Variants in WDFY4 observed in about 807,000 individuals in gnomAD.
The protein encoded by WDFY4 is WD repeat- and FYVE domain-containing protein 4.
A neutral mutation model predicts 351.9 loss-of-function variants in WDFY4; 169 were observed. The observed-to-expected ratio is 0.48, with a 90% CI of 0.42 to 0.55. The LOEUF is 0.55. Ranked by LOEUF, WDFY4 falls within the 20% of genes least tolerant of loss-of-function variation. The pLI is 0.00. For missense variants in WDFY4, 3,803 were observed against 3,935.6 expected, an observed-to-expected ratio of 0.97 and a Z score of 0.90; for synonymous variants, 1,622 against 1,574.6, an observed-to-expected ratio of 1.03 and a Z score of -0.71.
chr10:48,979,757 G>T (rs544995526), intron 60 of WDFY4: 13 of 152,338 alleles, frequency 8.5e-5, no homozygotes, highest in African/African-American at 2.9e-4. Flanking sequence ...GTTGTGGTGA[G>T]GTTGCACTCA....
intron 40 of WDFY4, among the ~76,000 whole-genome samples, chr10:48,872,820 G>A (rs1470071708): frequency 6.6e-6 from 1 of 152,186 alleles, no homozygotes; most frequent in East Asian, 1.9e-4. Context: ...TATTAAATGA[G>A]ATTCTTTGCA....
intron 39 of WDFY4, among the ~76,000 whole-genome samples, chr10:48,860,489 A>C (rs1031965314): frequency 6.6e-6 from 1 of 152,248 alleles, no homozygotes; most frequent in Non-Finnish European, 1.5e-5. Flanking sequence ...TTATGAGGAC[A>C]CTAATACCAT....
intron 13 of WDFY4, among the ~76,000 whole-genome samples, chr10:48,766,469 A>G (rs1013991017): frequency 2.6e-5 from 4 of 152,192 alleles, no homozygotes; most frequent in Admixed American, 2.0e-4. Context: ...GTGCACCTGT[A>G]GTCCCAGCTA....
chr10:48,708,652 A>G (rs1206881139), intron 1 of WDFY4, among the ~76,000 whole-genome samples: 1 of 152,162 alleles, frequency 6.6e-6, no homozygotes. Context: ...TTGGGAGGTC[A>G]CTTATTGGTG....
intron 1 of WDFY4, among the ~76,000 whole-genome samples, chr10:48,698,840 CAG>C (rs1254498089): frequency 6.6e-6 from 1 of 152,130 alleles, no homozygotes; most frequent in Non-Finnish European, 1.5e-5. Flanking sequence ...TGTGTGTAGG[CAG>C]AGAGACATTT....
intron 40 of WDFY4, among the ~76,000 whole-genome samples, chr10:48,870,485 C>T (rs528519013): frequency 6.0e-5 from 9 of 150,874 alleles, no homozygotes; most frequent in African/African-American, 2.2e-4. Flanking sequence ...TTACAGGTTA[C>T]AGTGAGCTAT....
chr10:48,732,700 C>G (rs941715502), intron 9 of WDFY4, among the ~76,000 whole-genome samples: 1 of 152,190 alleles, frequency 6.6e-6, no homozygotes. Flanking sequence ...GAGATTTTAA[C>G]GAGGGAATCT....
In WDFY4 at chr10:48,709,725, G is replaced by A. The variant is rs2063721341; in HGVS notation, c.-8G>A. On this transcript the variant is annotated 5_prime_UTR_variant, in exon 2 of 62. Transcript: ENST00000325239. ...TTTGTTCTGAATTCAGATCTGCTTTGCCACGGCATGGAGGCAGAAGATCTT... is the reference window on the plus strand; with the variant it reads ...TTTGTTCTGAATTCAGATCTGCTTTACCACGGCATGGAGGCAGAAGATCTT... 6.4e-7 allele frequency: 1 copy of A among 1,551,838 alleles called. No individual in the cohort carries two copies. Among genetic ancestry groups the A allele is most frequent in the Non-Finnish European group, 8.7e-7 (1 of 1,146,952 alleles).
intron 10 of WDFY4, 73 bp downstream of exon 10, chr10:48,734,108 T>G (rs1053953123): frequency 7.5e-7 from 1 of 1,333,528 alleles, no homozygotes; most frequent in African/African-American, 1.5e-5. Context: ...TTTATGGCAG[T>G]GTTCACAGGT....
At chr10:48,950,641 T>C (rs987889418) in intron 51 of WDFY4, among the ~76,000 whole-genome samples, 1 of 152,130 alleles carries the variant, frequency 6.6e-6, no homozygotes, top group Non-Finnish European at 1.5e-5. Context: ...ACACTCATGG[T>C]AAATAAAGCA....
intron 23 of WDFY4, among the ~76,000 whole-genome samples, chr10:48,794,372 G>A (rs377043987): frequency 6.6e-6 from 1 of 152,078 alleles, no homozygotes. Flanking sequence ...GCAGGCCGCC[G>A]ACAGGAAGGA....
intron 59 of WDFY4, among the ~76,000 whole-genome samples, chr10:48,977,897 C>T (rs939704922): frequency 7.9e-5 from 12 of 152,144 alleles, no homozygotes; most frequent in African/African-American, 1.2e-4. Flanking sequence ...GTAGGCTTAG[C>T]GCCAAGGGCC....
chr10:48,913,596 A>G, intron 47 of WDFY4: 1 of 1,613,796 alleles, frequency 6.2e-7, no homozygotes. Flanking sequence ...GTCTATGAAT[A>G]TTTCCGACTC....
intron 51 of WDFY4, among the ~76,000 whole-genome samples, chr10:48,952,180 G>A (rs555724580): frequency 7.2e-4 from 110 of 151,966 alleles, no homozygotes; most frequent in South Asian, 6.6e-3. Flanking sequence ...AACCTGGAGC[G>A]TCTGTGTCTG....
At chr10:48,859,490 T>G (rs1404381082) in intron 39 of WDFY4, among the ~76,000 whole-genome samples, 3 of 152,212 alleles carry the variant, frequency 2.0e-5, no homozygotes, top group Non-Finnish European at 2.9e-5. Context: ...ATTTTCTTCT[T>G]TAACCTGCTA....
At chr10:48,945,934 C>CAAT (rs1841021250) in intron 49 of WDFY4, 106 bp from the exon 50 acceptor site, 3 of 777,526 alleles carry the variant, frequency 3.9e-6, no homozygotes, top group Non-Finnish European at 5.9e-6. Flanking sequence ...GCAGGTCAGA[C>CAAT]CAAATGACTG....
intron 2 of WDFY4, among the ~76,000 whole-genome samples, chr10:48,717,318 G>C (rs1371226210): frequency 6.6e-6 from 1 of 152,134 alleles, no homozygotes; most frequent in Non-Finnish European, 1.5e-5. Context: ...CAACATTTTG[G>C]TTGTTTTAGC....
chr10:48,723,867 T>C (rs966805014), intron 5 of WDFY4, among the ~76,000 whole-genome samples: 2 of 152,150 alleles, frequency 1.3e-5, no homozygotes, highest in African/African-American at 4.8e-5. Context: ...GTTGTCATCC[T>C]GGGTCCATAC....
At chr10:48,794,272 C>T (rs1439162459) in intron 23 of WDFY4, among the ~76,000 whole-genome samples, 1 of 152,068 alleles carries the variant, frequency 6.6e-6, no homozygotes, top group Non-Finnish European at 1.5e-5. Flanking sequence ...AGAATCTGAC[C>T]TAATAGGAGC....
Sources: allele counts gnomAD v4.1 joint callset (sites outside exome capture counted in the v4.1 genomes callset), GRCh38; gene constraint gnomAD v4.1.1; transcripts MANE v1.5; gene names NCBI Gene and HGNC (gene_info 2026-07-23, HGNC 2026-07-21).